Variants in CACNB2 observed in about 807,000 individuals in gnomAD.
CACNB2 encodes the protein calcium voltage-gated channel auxiliary subunit beta 2.
A neutral mutation model predicts 73.3 loss-of-function variants in CACNB2; 42 were observed. The ratio of observed to expected loss-of-function variants is 0.57; its 90% CI spans 0.45 to 0.74. The LOEUF (loss-of-function observed/expected upper bound fraction) is 0.74. Ranked by LOEUF, CACNB2 falls within the 30% of genes least tolerant of loss-of-function variation. The probability of loss-of-function intolerance (pLI) is 0.00; values close to 1 mark genes in which losing one functional copy is unlikely to be tolerated. For synonymous variants in CACNB2, 348 were observed against 310.3 expected (o/e 1.12, Z -1.28); for missense variants, 940 against 853.0 (o/e 1.10, Z -1.27).
intron 2 of CACNB2, among the ~76,000 whole-genome samples, chr10:18,343,302 TG>T (rs1379805436): frequency 7.2e-5 from 11 of 152,136 alleles, no homozygotes; most frequent in African/African-American, 2.7e-4. Flanking sequence ...CTCTCTGATT[TG>T]GGCAGGTTTT....
chr10:18,327,927 C>G (rs1270083401), intron 2 of CACNB2, among the ~76,000 whole-genome samples: 2 of 151,996 alleles, frequency 1.3e-5, no homozygotes, highest in African/African-American at 4.8e-5. Context: ...TTGTCAAATG[C>G]CTGAGGAAAG....
chr10:18,182,814 T>C (rs1236350979), intron 2 of CACNB2, among the ~76,000 whole-genome samples: 1 of 141,554 alleles, frequency 7.1e-6, no homozygotes, highest in Non-Finnish European at 1.5e-5. Flanking sequence ...AGAATGAGAC[T>C]CTGTCTCAAA....
At chr10:18,390,326 C>T (rs1283837216) in intron 2 of CACNB2, among the ~76,000 whole-genome samples, 1 of 152,216 alleles carries the variant, frequency 6.6e-6, no homozygotes, top group Non-Finnish European at 1.5e-5. Context: ...GATTCTTCTG[C>T]CTCAGCCTCC....
intron 3 of CACNB2, among the ~76,000 whole-genome samples, chr10:18,456,753 T>C (rs1425945645): frequency 6.6e-6 from 1 of 152,224 alleles, no homozygotes; most frequent in African/African-American, 2.4e-5. Flanking sequence ...TTTGTCCTTT[T>C]GTGACTGGCT....
chr10:18,287,689 A>G (rs1407013943), intron 2 of CACNB2, among the ~76,000 whole-genome samples: 1 of 152,080 alleles, frequency 6.6e-6, no homozygotes, highest in African/African-American at 2.4e-5. Context: ...CATTCCTACA[A>G]AAAATACAAA....
chr10:18,374,754 A>G (rs549308923), intron 2 of CACNB2, among the ~76,000 whole-genome samples: 2 of 152,142 alleles, frequency 1.3e-5, no homozygotes, highest in East Asian at 3.9e-4. Context: ...ACTAAATGCC[A>G]CTTTCCTTAT....
intron 2 of CACNB2, among the ~76,000 whole-genome samples, chr10:18,327,494 G>A (rs1203613512): frequency 1.3e-5 from 2 of 151,960 alleles, no homozygotes; most frequent in Non-Finnish European, 2.9e-5. Context: ...GAGTGATCTC[G>A]GCTCACTGCA....
intron 3 of CACNB2, among the ~76,000 whole-genome samples, chr10:18,402,993 C>T (rs1217944272): frequency 2.0e-5 from 3 of 152,188 alleles, no homozygotes; most frequent in East Asian, 1.9e-4. Flanking sequence ...GGTTTGAATG[C>T]ATGGACAGCC....
In CACNB2 at chr10:18,257,717, G is replaced by A. The variant is rs147734556; in HGVS notation, c.213+106742G>A. On this transcript the variant is annotated intron_variant, in intron 2 of 13. Coordinates refer to ENST00000324631, the MANE Select transcript of CACNB2 (RefSeq NM_201596.3). ...GATGGTTAGGAGTTGTTCCCTTGGCGTTCCCATTGCTCTGAAACACTGTGT... is the reference window on the plus strand; with the variant it reads ...GATGGTTAGGAGTTGTTCCCTTGGCATTCCCATTGCTCTGAAACACTGTGT... Among the ~76,000 whole-genome samples the A allele has an allele frequency of 1.7e-3, 255 of 152,164 alleles. 2 individuals carry two copies. Among genetic ancestry groups the A allele is most frequent in the African/African-American group, 5.5e-3 (229 of 41,524 alleles).
intron 2 of CACNB2, among the ~76,000 whole-genome samples, chr10:18,287,132 C>T (rs531976638): frequency 5.3e-5 from 8 of 151,928 alleles, no homozygotes; most frequent in Admixed American, 6.6e-5. Context: ...AGTTCAAGAC[C>T]GGCCTAGCCA....
At chr10:18,333,868 C>CT (rs112646070) in intron 2 of CACNB2, among the ~76,000 whole-genome samples, 25,195 of 151,086 alleles carry the variant, frequency 0.17, 2,175 homozygotes, top group Admixed American at 0.19. Flanking sequence ...AAAATTCTGC[C>CT]TTTTTTTTTG....
At chr10:18,375,601 T>A (rs781544091) in intron 2 of CACNB2, among the ~76,000 whole-genome samples, 1 of 152,188 alleles carries the variant, frequency 6.6e-6, no homozygotes, top group Non-Finnish European at 1.5e-5. Flanking sequence ...TAGCAAGCAA[T>A]TGAAAATTTA....
At chr10:18,504,573 A>G (rs1456616472) in intron 5 of CACNB2, among the ~76,000 whole-genome samples, 1 of 152,072 alleles carries the variant, frequency 6.6e-6, no homozygotes, top group Non-Finnish European at 1.5e-5. Context: ...ATTTTGGCCC[A>G]AGATTTTGCC....
chr10:18,514,404 G>A, intron 7 of CACNB2, 35 bp downstream of exon 7: 1 of 1,613,902 alleles, frequency 6.2e-7, no homozygotes, highest in Non-Finnish European at 8.5e-7. Flanking sequence ...TTGTCCACCT[G>A]CTCAACTGCA....
chr10:18,344,460 T>G lies in CACNB2; in HGVS notation c.214-57464T>G, dbSNP rs562869031. Among the ~76,000 whole-genome samples, 199 of 152,030 alleles carry G rather than the reference T, an allele frequency of 1.3e-3. 1 individual carries two copies. Among genetic ancestry groups the G allele is most frequent in the African/African-American group, 4.3e-3 (177 of 41,474 alleles). On this transcript the variant is annotated intron_variant, in intron 2 of 13. Coordinates refer to ENST00000324631, the MANE Select transcript of CACNB2 (RefSeq NM_201596.3). Reference sequence around the variant, plus strand: ...TCTTGGCTCACTGAAACCTCCACCTTTTGGTTAAAGTGTTTCTCCTGCCTC... The same window carrying G: ...TCTTGGCTCACTGAAACCTCCACCTGTTGGTTAAAGTGTTTCTCCTGCCTC...
intron 3 of CACNB2, among the ~76,000 whole-genome samples, chr10:18,495,736 TG>T (rs2049771773): frequency 6.6e-6 from 1 of 152,108 alleles, no homozygotes; most frequent in African/African-American, 2.4e-5. Flanking sequence ...ATATATTTTT[TG>T]CTTTTTCATT....
intron 6 of CACNB2, among the ~76,000 whole-genome samples, chr10:18,507,032 C>G (rs1375975511): frequency 6.6e-6 from 1 of 152,162 alleles, no homozygotes; most frequent in African/African-American, 2.4e-5. Context: ...CTCCTGAGTT[C>G]AAGCGATCCA....
chr10:18,185,228 G>A (rs1564326451), intron 2 of CACNB2, among the ~76,000 whole-genome samples: 1 of 152,108 alleles, frequency 6.6e-6, no homozygotes, highest in African/African-American at 2.4e-5. Context: ...TTTAAAAATT[G>A]AGATATCATT....
rs957585403 is a variant in CACNB2, at chr10:18,543,261, T to C, written c.*3537T>C. Reference sequence around the variant, plus strand: ...TTTCTTGGGGCAATGCTAAATACTTTATGTTCCTTTAGTAATCTTCCTATT... The same window carrying C: ...TTTCTTGGGGCAATGCTAAATACTTCATGTTCCTTTAGTAATCTTCCTATT... On this transcript the variant is annotated 3_prime_UTR_variant, in exon 14 of 14. Transcript: ENST00000324631. 6.6e-6 allele frequency: 1 copy of C among 152,260 alleles called. No homozygotes were observed. Among genetic ancestry groups the C allele is most frequent in the South Asian group, 2.1e-4 (1 of 4,830 alleles). The allele number at this position is 152,260 out of a possible 1,614,324, so 9.4% of individuals were successfully genotyped here.
Sources: allele counts gnomAD v4.1 joint callset (sites outside exome capture counted in the v4.1 genomes callset), GRCh38; gene constraint gnomAD v4.1.1; transcripts MANE v1.5; gene names NCBI Gene and HGNC (gene_info 2026-07-23, HGNC 2026-07-21).